Variants in ASGR1 observed in about 807,000 individuals in gnomAD.
ASGR1 encodes the protein asialoglycoprotein receptor 1.
A neutral mutation model predicts 33.1 loss-of-function variants in ASGR1; 35 were observed. The observed-to-expected ratio is 1.06, with a 90% CI of 0.81 to 1.40. ASGR1 has a LOEUF of 1.40. ASGR1 is among the 40% of genes most tolerant of loss of function. The pLI is 0.00. For missense variants in ASGR1, 396 were observed against 373.7 expected, an observed-to-expected ratio of 1.06 and a Z score of -0.49; for synonymous variants, 142 against 152.5, an observed-to-expected ratio of 0.93 and a Z score of 0.51.
In ASGR1 at chr17:7,174,081, A is replaced by C; in HGVS notation, c.595-14T>G. The C allele has an allele frequency of 6.2e-7, 1 of 1,614,164 alleles. No individual in the cohort carries two copies. Among genetic ancestry groups the C allele is most frequent in the South Asian group, 1.1e-5 (1 of 91,082 alleles). On this transcript the variant is annotated splice_polypyrimidine_tract_variant and intron_variant, in intron 7 of 8. Transcript: ENST00000269299. ...CTGGACAAATTTCTGAGGAGAGAGA[A>C]GGCGGGTGGTGATCTCTCCGAGGCC...
In ASGR1 at chr17:7,173,821, C is replaced by A; in HGVS notation, c.714G>T (p.Pro238=). The change falls in exon 9 of 9, where the codon CCG becomes CCT. Residue 238 remains proline, a synonymous_variant. Transcript: ENST00000269299. The surrounding 1 kb of genome is among the most constrained non-coding windows in gnomAD (Gnocchi z 4.7). The stretch of plus-strand genomic sequence containing the variant: ...GGCCGTACCAGTCGTCCGGCTGCTC[C>A]GGCCTCCAGTTCCTGGGGACAGAGC... The part of the protein sequence containing the change: ...DYETGFKNWR[P]EQPDDWYGHG... 6.2e-7 allele frequency: 1 copy of A among 1,610,568 alleles called. No homozygotes were observed. Among genetic ancestry groups the A allele is most frequent in the Non-Finnish European group, 8.5e-7 (1 of 1,179,410 alleles).
At chr17:7,174,976 C>T (rs949411344) in intron 5 of ASGR1, among the ~76,000 whole-genome samples, 8 of 149,906 alleles carry the variant, frequency 5.3e-5, no homozygotes, top group Non-Finnish European at 1.0e-4. Context: ...CACCCTTACA[C>T]ACACATACAT....
rs145624736 is a variant in ASGR1, at chr17:7,174,386, G to A, written c.430C>T (p.Leu144Phe). The change falls in exon 6 of 9, where the codon CTC (leucine) becomes TTC (phenylalanine). Residue 144 changes from leucine (L) to phenylalanine (F), a missense_variant. Leu to Phe is a conservative substitution (Grantham distance 22). Coordinates refer to ENST00000269299, the MANE Select transcript of ASGR1 (RefSeq NM_001671.5). ...CTGGCCTCCTTACCATTGCCCTGGAGCGCCGCCATCTGACAGCTCAGGCTC... is the reference window on the plus strand; with the variant it reads ...CTGGCCTCCTTACCATTGCCCTGGAACGCCGCCATCTGACAGCTCAGGCTC... ...LRSLSCQMAALQGNGSERTCC... is the reference protein window; with the variant it reads ...LRSLSCQMAAFQGNGSERTCC... 7.4e-6 allele frequency: 12 copies of A among 1,613,996 alleles called. No individual in the cohort carries two copies. Among genetic ancestry groups the A allele is most frequent in the East Asian group, 4.5e-5 (2 of 44,884 alleles).
At chr17:7,178,170 A>C in intron 2 of ASGR1, 2 of 366,700 alleles carry the variant, frequency 5.5e-6, no homozygotes, top group African/African-American at 2.0e-5. Flanking sequence ...TGGAAGGGGA[A>C]AGGAAGAGGG....
rs558797241 is a variant in ASGR1 at position 7,176,748 on chromosome 17, ACACT to A, written c.355+78_355+81del. ...CTCTCATTCTCACACACATCCACAC[ACACT>A]CACACTTTCTCACACACATCCACAC... On this transcript the variant is annotated intron_variant, in intron 5 of 8. Coordinates refer to ENST00000269299, the MANE Select transcript of ASGR1 (RefSeq NM_001671.5). 2.6e-3 allele frequency: 4,104 copies of A among 1,558,792 alleles called. 10 individuals carry two copies. The highest frequency in any genetic ancestry group is 3.8e-3 in the South Asian group (339 of 88,984).
intron 5 of ASGR1, 103 bp from the exon 6 acceptor site, chr17:7,174,563 C>A: frequency 1.6e-6 from 2 of 1,216,524 alleles, no homozygotes; most frequent in Non-Finnish European, 2.3e-6. Context: ...GACCCGAACA[C>A]CCGTCGCATT....
rs2142770983 is a variant in ASGR1 at position 7,178,392 on chromosome 17, CA to C, written c.70+101del. The stretch of plus-strand genomic sequence containing the variant: ...CAGTGTTGGGGGAGGGAGACAGACC[CA>C]GAGAGAGAGCCAGGCTCACGGGCAA... On this transcript the variant is annotated intron_variant, in intron 2 of 8. Transcript: ENST00000269299. 13 of 1,242,818 alleles carry C rather than the reference CA, an allele frequency of 1.0e-5. No homozygotes were observed. The South Asian group carries it at 1.6e-4, about 15-fold the overall frequency. 77.0% of individuals were successfully genotyped at this position (1,242,818 alleles called of 1,614,324 possible). A position where few individuals can be genotyped will look rare whatever the true frequency, so the allele number is the denominator to read the frequency against.
In ASGR1 at chr17:7,174,280, C is replaced by T. The variant is rs1310795175; in HGVS notation, c.452G>A (p.Arg151Lys). ...MAALQGNGSE[R>K]TCCPVNWVEH... ...CACCCAGTTGACCGGGCAGCAGGTC[C>T]TTTCTGAGCCTGAGCGGGAGAAACG... The change falls in exon 7 of 9, where the codon AGG (arginine) becomes AAG (lysine). Residue 151 changes from arginine to lysine, a missense_variant. By Grantham distance (26) the Arg-to-Lys change is conservative. Coordinates refer to ENST00000269299, the MANE Select transcript of ASGR1 (RefSeq NM_001671.5). The T allele has an allele frequency of 6.2e-6, 10 of 1,613,892 alleles. No homozygotes were observed. Among genetic ancestry groups the T allele is most frequent in the Non-Finnish European group, 7.6e-6 (9 of 1,179,862 alleles).
chr17:7,175,417 AC>A (rs1397505642), intron 5 of ASGR1, among the ~76,000 whole-genome samples: 5 of 148,068 alleles, frequency 3.4e-5, no homozygotes, highest in Non-Finnish European at 7.5e-5. Flanking sequence ...AGGCACACAC[AC>A]CCTCACCCAC....
In ASGR1 at chr17:7,177,272, A is replaced by C. The variant is rs765403896; in HGVS notation, c.125T>G (p.Leu42Arg). ...LQRLCSGPRL[L>R]LLSLGLSLLL... is the part of the protein sequence containing the mutation. The stretch of plus-strand genomic sequence containing the variant: ...GAGGCTGAGGCCCAGGGAGAGCAGG[A>C]GGAGGCGAGGTCCGGAGCAGAGACG... Residue 42 changes from leucine to arginine, a missense_variant, in exon 3 of 9, where the codon CTC becomes CGC. Leu to Arg is a moderately radical substitution (Grantham distance 102). Transcript: ENST00000269299. 9 of 1,613,650 alleles carry C rather than the reference A, an allele frequency of 5.6e-6. No individual in the cohort carries two copies. The highest frequency in any genetic ancestry group is 7.6e-6 in the Non-Finnish European group (9 of 1,179,944).
rs1376404433 is a variant in ASGR1 at position 7,173,878 on chromosome 17, G to C, written c.702-45C>G. ...TGGGCCCCAGGAGGTCGGATCCGCA[G>C]GCGGGTCGCTCCAGACTCCTCAGCC... is the stretch of plus-strand genomic sequence containing the variant. On this transcript the variant is annotated intron_variant, in intron 8 of 8. Coordinates refer to ENST00000269299, the MANE Select transcript of ASGR1 (RefSeq NM_001671.5). This position sits in a 1 kb window ranked among gnomAD's most constrained non-coding sequence, Gnocchi z 4.7. The C allele has an allele frequency of 1.2e-6, 2 of 1,607,082 alleles. No homozygotes were observed. Among genetic ancestry groups the C allele is most frequent in the African/African-American group, 2.7e-5 (2 of 74,800 alleles).
At chr17:7,178,024 C>G (rs2069237318) in intron 2 of ASGR1, 1 of 170,478 alleles carries the variant, frequency 5.9e-6, no homozygotes, top group African/African-American at 2.4e-5. Flanking sequence ...GTCTCGTTCT[C>G]CCTCAGGTCA....
In ASGR1 at chr17:7,177,013, G is replaced by C; in HGVS notation, c.251C>G (p.Thr84Arg). The C allele has an allele frequency of 1.9e-6, 3 of 1,563,684 alleles. No individual in the cohort carries two copies. The highest frequency in any genetic ancestry group is 2.6e-6 in the Non-Finnish European group (3 of 1,150,414). The change falls in exon 4 of 9, where the codon ACG (threonine) becomes AGG (arginine). Residue 84 changes from threonine to arginine, a missense_variant. Physicochemically the swap from Thr to Arg is moderately conservative, Grantham distance 71. Coordinates refer to ENST00000269299, the MANE Select transcript of ASGR1 (RefSeq NM_001671.5). ...RETFSNFTAS[T>R]EAQVKGLSTQ... ...GCTCAAGCCCTTGACCTGGGCCTCCGTGCTCGCTGTGAAGTTGCTGAACGT... is the reference window on the plus strand; with the variant it reads ...GCTCAAGCCCTTGACCTGGGCCTCCCTGCTCGCTGTGAAGTTGCTGAACGT...
chr17:7,175,897 TCA>T (rs1369844446), intron 5 of ASGR1, among the ~76,000 whole-genome samples: 7 of 135,188 alleles, frequency 5.2e-5, no homozygotes, highest in Non-Finnish European at 7.8e-5. Context: ...ACACTCCATC[TCA>T]TTCTCACACT....
rs780455983 is a variant in ASGR1 at position 7,176,814 on chromosome 17, A to T, written c.355+16T>A. 1.5e-5 allele frequency: 24 copies of T among 1,609,780 alleles called. No individual in the cohort carries two copies. Among genetic ancestry groups the T allele is most frequent in the Non-Finnish European group, 2.0e-5 (24 of 1,179,430 alleles). ...CTTTCACACACACACACACACACAC[A>T]CACTCCCTCTCTGACCTTCACTCAG... On this transcript the variant is annotated intron_variant, in intron 5 of 8. Coordinates refer to ENST00000269299, the MANE Select transcript of ASGR1 (RefSeq NM_001671.5).
chr17:7,175,798 CT>C (rs1267891421), intron 5 of ASGR1, among the ~76,000 whole-genome samples: 1 of 144,534 alleles, frequency 6.9e-6, no homozygotes, highest in East Asian at 2.0e-4. Flanking sequence ...CACACACACA[CT>C]CCCTCTCATT....
At chr17:7,174,712 A>AACAC (rs377586367) in intron 5 of ASGR1, among the ~76,000 whole-genome samples, 3 of 143,864 alleles carry the variant, frequency 2.1e-5, no homozygotes, top group Admixed American at 6.8e-5. Flanking sequence ...GACAATATAC[A>AACAC]ACACACACAC....
chr17:7,177,003 C>A lies in ASGR1; in HGVS notation c.261G>T (p.Gln87His). Residue 87 changes from glutamine (Q) to histidine (H), a missense_variant, in exon 4 of 9, where the codon CAG becomes CAT. Gln to His is a conservative substitution (Grantham distance 24, BLOSUM62 0). Coordinates refer to ENST00000269299, the MANE Select transcript of ASGR1 (RefSeq NM_001671.5). Reference protein sequence around the residue: ...FSNFTASTEAQVKGLSTQGGN... With the variant: ...FSNFTASTEAHVKGLSTQGGN... ...CACCCTGGGTGCTCAAGCCCTTGAC[C>A]TGGGCCTCCGTGCTCGCTGTGAAGT... The A allele has an allele frequency of 2.5e-6, 4 of 1,612,328 alleles. No individual in the cohort carries two copies. Among genetic ancestry groups the A allele is most frequent in the Non-Finnish European group, 3.4e-6 (4 of 1,179,868 alleles).
In ASGR1 at chr17:7,179,282, G is replaced by T. The variant is rs1279063908; in HGVS notation, c.-118C>A. 10 of 152,700 alleles carry T rather than the reference G, an allele frequency of 6.5e-5. No homozygotes were observed. The highest frequency in any genetic ancestry group is 1.2e-4 in the Non-Finnish European group (8 of 68,510). The allele number at this position is 152,700 out of a possible 1,614,324, so 9.5% of individuals were successfully genotyped here. ...GGCTGAAGCTTGGAGAATGGGGGTG[G>T]GCGGACAGCCGTGGACAATGGGAGG... On this transcript the variant is annotated 5_prime_UTR_variant, in exon 1 of 9. Coordinates refer to ENST00000269299, the MANE Select transcript of ASGR1 (RefSeq NM_001671.5).
Sources: allele counts gnomAD v4.1 joint callset (sites outside exome capture counted in the v4.1 genomes callset), GRCh38; gene constraint gnomAD v4.1.1; non-coding constraint Gnocchi (gnomAD v3.1); transcripts MANE v1.5; gene names NCBI Gene and HGNC (gene_info 2026-07-23, HGNC 2026-07-21).